CWC27: variants seen among roughly 807,000 people sequenced by gnomAD.
CWC27 encodes the protein CWC27 spliceosome associated cyclophilin.
CWC27 carries 47 observed loss-of-function variants against 63.6 expected under a neutral mutation model. The observed-to-expected ratio is 0.74, with a 90% CI of 0.58 to 0.94. The LOEUF is 0.94. Ranked by LOEUF, CWC27 falls within the 40% of genes least tolerant of loss-of-function variation. The pLI, the probability that CWC27 is intolerant of heterozygous loss-of-function variation, is 0.00. For missense variants in CWC27, 495 were observed against 554.3 expected, an observed-to-expected ratio of 0.89 and a Z score of 1.07; for synonymous variants, 175 against 179.8, an observed-to-expected ratio of 0.97 and a Z score of 0.22.
chr5:64,950,222 T>C (rs1347771909), intron 11 of CWC27, among the ~76,000 whole-genome samples: 1 of 152,008 alleles, frequency 6.6e-6, no homozygotes, highest in African/African-American at 2.4e-5. Flanking sequence ...ATATTGCTGG[T>C]CCAGAACAAA....
At chr5:64,916,898 TAG>T (rs1747899866) in intron 11 of CWC27, among the ~76,000 whole-genome samples, 1 of 150,546 alleles carries the variant, frequency 6.6e-6, no homozygotes, top group Admixed American at 6.6e-5. Flanking sequence ...GTAGTAGTAG[TAG>T]TAGTAGTAGT....
At chr5:64,828,862 A>C (rs1745436917) in intron 10 of CWC27, among the ~76,000 whole-genome samples, 1 of 152,060 alleles carries the variant, frequency 6.6e-6, no homozygotes, top group Non-Finnish European at 1.5e-5. Context: ...TATTCACATT[A>C]TTTCCCTCTA....
At chr5:64,896,501 G>A (rs1320874652) in intron 11 of CWC27, among the ~76,000 whole-genome samples, 1 of 152,130 alleles carries the variant, frequency 6.6e-6, no homozygotes, top group Non-Finnish European at 1.5e-5. Flanking sequence ...AGCAGGTAAA[G>A]GGTGCTCGGA....
intron 13 of CWC27, among the ~76,000 whole-genome samples, chr5:64,994,983 CTT>C (rs933945301): frequency 1.4e-5 from 2 of 147,864 alleles, no homozygotes; most frequent in Non-Finnish European, 3.0e-5. Flanking sequence ...ATGTGTATAT[CTT>C]TTTTATTTAC....
chr5:64,933,089 AG>A (rs1748271617), intron 11 of CWC27, among the ~76,000 whole-genome samples: 1 of 152,158 alleles, frequency 6.6e-6, no homozygotes, highest in African/African-American at 2.4e-5. Flanking sequence ...GTATTCTATC[AG>A]TGGAACACAG....
chr5:64,845,798 A>G (rs1745962249), intron 10 of CWC27, among the ~76,000 whole-genome samples: 1 of 152,206 alleles, frequency 6.6e-6, no homozygotes, highest in African/African-American at 2.4e-5. Context: ...AAAGAGAAAA[A>G]GGGTCACAAA....
rs1050513555 is a variant in CWC27 at position 65,008,955 on chromosome 5, C to T, written c.1257-9204C>T. On this transcript the variant is annotated intron_variant, in intron 13 of 13. Coordinates refer to ENST00000381070, the MANE Select transcript of CWC27 (RefSeq NM_005869.4). ...TGAAAGGGGTATGTAGTTGTCTATG[C>T]CCATTTATATTTCCATAAAGGAATG... 5.3e-5 allele frequency among the ~76,000 whole-genome samples: 8 copies of T among 152,020 alleles called. No individual in the cohort carries two copies. The East Asian group carries it at 1.6e-3, about 29-fold the overall frequency.
intron 7 of CWC27, among the ~76,000 whole-genome samples, chr5:64,789,392 T>A (rs1370045634): frequency 2.0e-5 from 3 of 152,054 alleles, no homozygotes; most frequent in Non-Finnish European, 4.4e-5. Context: ...TTTAATGTTA[T>A]TTATATATAT....
Position 64,774,679 on chromosome 5 carries a change from T to TTC in CWC27, c.43-10_43-9dup, listed in dbSNP as rs773081038. ...AATAATAATTTAATAAAATGTAATA[T>TTC]TCTTTCTACAGGTTTTATTGAAAAC... On this transcript the variant is annotated splice_polypyrimidine_tract_variant and intron_variant, in intron 1 of 13. Transcript: ENST00000381070. 5.4e-6 allele frequency: 8 copies of TTC among 1,468,218 alleles called. No homozygotes were observed. In the South Asian group the frequency reaches 1.0e-4, roughly 19 times the overall value. 90.9% of individuals were successfully genotyped at this position (1,468,218 alleles called of 1,614,324 possible). A position where few individuals can be genotyped will look rare whatever the true frequency, so the allele number is the denominator to read the frequency against.
chr5:65,012,557 G>A (rs1339265793), intron 13 of CWC27, among the ~76,000 whole-genome samples: 12 of 152,184 alleles, frequency 7.9e-5, no homozygotes, highest in Admixed American at 7.9e-4. Context: ...GTCATATTTG[G>A]CTTTGTTTTA....
intron 10 of CWC27, among the ~76,000 whole-genome samples, chr5:64,872,270 A>T (rs1461514147): frequency 1.3e-5 from 2 of 152,174 alleles, no homozygotes; most frequent in African/African-American, 4.8e-5. Flanking sequence ...TCTTGAATAG[A>T]TGCTCATGAT....
At chr5:64,903,786 T>A (rs1389348082) in intron 11 of CWC27, among the ~76,000 whole-genome samples, 1 of 152,218 alleles carries the variant, frequency 6.6e-6, no homozygotes, top group African/African-American at 2.4e-5. Flanking sequence ...TACCGTCCTT[T>A]CTGACGCCCC....
intron 11 of CWC27, among the ~76,000 whole-genome samples, chr5:64,954,463 T>G (rs748594009): frequency 2.0e-4 from 30 of 151,924 alleles, no homozygotes; most frequent in Non-Finnish European, 1.0e-4. Flanking sequence ...TAAAATTTTT[T>G]TAAAGACATG....
intron 10 of CWC27, among the ~76,000 whole-genome samples, chr5:64,872,559 T>A (rs1321357306): frequency 1.3e-5 from 2 of 151,560 alleles, no homozygotes; most frequent in Admixed American, 6.6e-5. Context: ...CATTTTTTTC[T>A]TATTTAATCT....
intron 11 of CWC27, among the ~76,000 whole-genome samples, chr5:64,897,752 A>G (rs1033712097): frequency 2.6e-5 from 4 of 151,372 alleles, no homozygotes; most frequent in Non-Finnish European, 5.9e-5. Flanking sequence ...GTATAATAAT[A>G]AAAAAAATTG....
At chr5:64,804,424 CT>C (rs1478041019) in intron 10 of CWC27, 38 bp downstream of exon 10, 1 of 1,520,082 alleles carries the variant, frequency 6.6e-7, no homozygotes, top group African/African-American at 1.4e-5. Context: ...GAGTTTTTGT[CT>C]TTTTATATTT....
intron 13 of CWC27, among the ~76,000 whole-genome samples, chr5:64,992,933 T>A (rs1406327362): frequency 6.6e-6 from 1 of 152,146 alleles, no homozygotes; most frequent in Admixed American, 6.5e-5. Context: ...CTGAGAGTTC[T>A]GAAACCAAAA....
chr5:64,860,577 A>T (rs1425360912), intron 10 of CWC27, among the ~76,000 whole-genome samples: 1 of 152,194 alleles, frequency 6.6e-6, no homozygotes, highest in African/African-American at 2.4e-5. Context: ...GTACCTAGTC[A>T]ACATAAGTAA....
chr5:64,783,509 A>G (rs991170976), intron 3 of CWC27, among the ~76,000 whole-genome samples: 2 of 152,242 alleles, frequency 1.3e-5, no homozygotes, highest in African/African-American at 4.8e-5. Flanking sequence ...GAGAAATAAT[A>G]GAAGATTTCA....
Sources: gnomAD v4.1 joint callset for allele counts (sites outside exome capture counted in the v4.1 genomes callset) on GRCh38, gnomAD v4.1.1 for gene constraint, MANE v1.5 for transcripts, NCBI Gene and HGNC (gene_info 2026-07-23, HGNC 2026-07-21) for gene names.